The following PLXNA4 variants were observed in gnomAD, a reference collection of about 807,000 sequenced individuals.
PLXNA4 encodes plexin A4, also known as plexin-A4.
In PLXNA4, 44 loss-of-function variants were observed where a neutral mutation model predicts 191.8. The observed-to-expected ratio is 0.23, with a 90% CI of 0.18 to 0.29. PLXNA4 has a LOEUF of 0.29. PLXNA4 is among the 10% of genes least tolerant of loss of function. The pLI is 1.00. For synonymous variants in PLXNA4, 1,082 were observed against 1,009.5 expected, an observed-to-expected ratio of 1.07 and a Z score of -1.36; for missense variants, 1,800 against 2,488.8, an observed-to-expected ratio of 0.72 and a Z score of 5.89.
At chr7:132,444,264 C>T (rs558452817) in intron 3 of PLXNA4, among the ~76,000 whole-genome samples, 1 of 152,332 alleles carries the variant, frequency 6.6e-6, no homozygotes, top group East Asian at 1.9e-4. Context: ...TCTTCTCTTT[C>T]TTTTTTTGAG....
At chr7:132,530,408 CAACA>C (rs2116431778) in intron 1 of PLXNA4, among the ~76,000 whole-genome samples, 1 of 152,320 alleles carries the variant, frequency 6.6e-6, no homozygotes, top group African/African-American at 2.4e-5. Context: ...TACAACTCAA[CAACA>C]AACAGATAAA....
chr7:132,385,277 A>G lies in PLXNA4; in HGVS notation c.1372-87055T>C, dbSNP rs201937355. 393 of 1,613,608 alleles carry G rather than the reference A, an allele frequency of 2.4e-4. No homozygotes were observed. The highest frequency in any genetic ancestry group is 3.2e-4 in the Non-Finnish European group (374 of 1,179,888). Reference sequence around the variant, plus strand: ...CCCGTCTGTAGCTCAAGGGTAGGGCAGAGGCTGGTACCAGGCATCTGGAAA... The same window carrying G: ...CCCGTCTGTAGCTCAAGGGTAGGGCGGAGGCTGGTACCAGGCATCTGGAAA... On this transcript the variant is annotated intron_variant, in intron 3 of 31. Transcript: ENST00000321063.
At chr7:132,473,404 T>G (rs1198864782) in intron 3 of PLXNA4, among the ~76,000 whole-genome samples, 1 of 152,166 alleles carries the variant, frequency 6.6e-6, no homozygotes, top group Non-Finnish European at 1.5e-5. Flanking sequence ...AGGAGGGCAG[T>G]GGCGGCAGGT....
intron 3 of PLXNA4, among the ~76,000 whole-genome samples, chr7:132,375,517 C>T (rs1804626123): frequency 6.6e-6 from 1 of 152,094 alleles, no homozygotes; most frequent in South Asian, 2.1e-4. Context: ...ATGTTCCTGC[C>T]CTAAAGGGTC....
intron 2 of PLXNA4, among the ~76,000 whole-genome samples, chr7:132,623,146 C>A (rs768673532): frequency 6.6e-6 from 1 of 151,990 alleles, no homozygotes; most frequent in Non-Finnish European, 1.5e-5. Context: ...GGAGTTCAGC[C>A]GTGCCCAACA....
At chr7:132,600,258 G>T (rs997751168) in intron 2 of PLXNA4, among the ~76,000 whole-genome samples, 10 of 152,144 alleles carry the variant, frequency 6.6e-5, no homozygotes, top group African/African-American at 2.4e-4. Context: ...AAGTTTGATA[G>T]AATGAACCTT....
At chr7:132,178,249 G>C (rs1796542127) in intron 20 of PLXNA4, among the ~76,000 whole-genome samples, 1 of 152,130 alleles carries the variant, frequency 6.6e-6, no homozygotes, top group Non-Finnish European at 1.5e-5. Context: ...CCCTCGAGTA[G>C]AGTGCAAAAC....
intron 2 of PLXNA4, among the ~76,000 whole-genome samples, chr7:132,643,256 C>A (rs1803786873): frequency 6.6e-6 from 1 of 152,146 alleles, no homozygotes; most frequent in East Asian, 1.9e-4. Flanking sequence ...TGTTTTTCTG[C>A]TGTTTCACAC....
intron 4 of PLXNA4, among the ~76,000 whole-genome samples, chr7:132,274,406 A>G (rs1015595031): frequency 6.6e-6 from 1 of 152,186 alleles, no homozygotes; most frequent in Non-Finnish European, 1.5e-5. Flanking sequence ...TGTTAAGAGC[A>G]TATATAACCA....
intron 1 of PLXNA4, among the ~76,000 whole-genome samples, chr7:132,520,893 A>G (rs1338149483): frequency 6.6e-6 from 1 of 150,992 alleles, no homozygotes; most frequent in East Asian, 1.9e-4. Context: ...TTTGGGGCTC[A>G]CTCAGCCAAA....
At chr7:132,324,997 G>A (rs912242724) in intron 3 of PLXNA4, among the ~76,000 whole-genome samples, 4 of 152,136 alleles carry the variant, frequency 2.6e-5, no homozygotes, top group Non-Finnish European at 4.4e-5. Flanking sequence ...TCTCCAGATG[G>A]AATTTTGGCA....
chr7:132,414,495 C>G (rs1359742236), intron 3 of PLXNA4, among the ~76,000 whole-genome samples: 1 of 152,060 alleles, frequency 6.6e-6, no homozygotes, highest in Non-Finnish European at 1.5e-5. Context: ...ACTGGGGTGG[C>G]AGAGAGGTGA....
rs556587426 is a variant in PLXNA4 at position 132,505,058 on chromosome 7, GGAGA to G, written c.1188+2444_1188+2447del. Among the ~76,000 whole-genome samples the G allele has an allele frequency of 3.9e-5, 6 of 152,370 alleles. No individual in the cohort carries two copies. In the East Asian group the frequency reaches 1.2e-3, roughly 29 times the overall value. Reference sequence around the variant, plus strand: ...CAGCCTGGCCTTTTTCAGACTGGCTGGAGAGACAGCCCCAGGCCTGTGCAGAGTT... The same window carrying G: ...CAGCCTGGCCTTTTTCAGACTGGCTGGACAGCCCCAGGCCTGTGCAGAGTT... On this transcript the variant is annotated intron_variant, in intron 2 of 31. Transcript: ENST00000321063.
chr7:132,579,270 A>G (rs12532261), upstream of PLXNA4, among the ~76,000 whole-genome samples: 5,811 of 152,214 alleles, frequency 0.038, 259 homozygotes, highest in African/African-American at 0.1. Flanking sequence ...GACTCCTTTC[A>G]AACTTCTGTT....
chr7:132,346,617 C>T (rs904783184), intron 3 of PLXNA4, among the ~76,000 whole-genome samples: 9 of 152,192 alleles, frequency 5.9e-5, no homozygotes, highest in Non-Finnish European at 1.2e-4. Flanking sequence ...CAAAAGAACA[C>T]ACCATCCTTC....
At chr7:132,588,919 G>A (rs1380027698) in intron 2 of PLXNA4, among the ~76,000 whole-genome samples, 1 of 151,862 alleles carries the variant, frequency 6.6e-6, no homozygotes, top group Non-Finnish European at 1.5e-5. Flanking sequence ...GAAATAGAGA[G>A]AGGAGTGATG....
intron 3 of PLXNA4, 84 bp downstream of exon 3, chr7:132,489,208 T>G: frequency 2.8e-6 from 4 of 1,422,528 alleles, no homozygotes; most frequent in Non-Finnish European, 3.8e-6. Context: ...ACGCCCAAGT[T>G]AGCAAAAAGA....
At chr7:132,562,528 CCTT>C (rs1260860098) in intron 1 of PLXNA4, among the ~76,000 whole-genome samples, 1 of 127,924 alleles carries the variant, frequency 7.8e-6, no homozygotes, top group Non-Finnish European at 1.6e-5. Flanking sequence ...TCTTCCTCCT[CCTT>C]CTCCTCTTTC....
intron 4 of PLXNA4, among the ~76,000 whole-genome samples, chr7:132,273,926 T>C (rs1800173259): frequency 6.6e-6 from 1 of 151,728 alleles, no homozygotes; most frequent in Non-Finnish European, 1.5e-5. Context: ...TAATTTGAAC[T>C]GGAAACAGCT....
Sources: allele counts gnomAD v4.1 joint callset (sites outside exome capture counted in the v4.1 genomes callset), GRCh38; gene constraint gnomAD v4.1.1; transcripts MANE v1.5; gene names NCBI Gene and HGNC (gene_info 2026-07-23, HGNC 2026-07-21).